The following DYDC2 variants were observed in gnomAD, a reference collection of about 807,000 sequenced individuals.
DYDC2 encodes the protein DPY30 domain containing 2, also known as DPY30 domain-containing protein 2.
A neutral mutation model predicts 18.7 loss-of-function variants in DYDC2; 19 were observed. The observed-to-expected ratio is 1.02, with a 90% CI of 0.71 to 1.49. The LOEUF is 1.49. DYDC2 is among the 40% of genes most tolerant of loss of function. DYDC2 has a pLI of 0.00. For synonymous variants in DYDC2, 63 were observed against 67.6 expected, an observed-to-expected ratio of 0.93 and a Z score of 0.34; for missense variants, 179 against 205.1, an observed-to-expected ratio of 0.87 and a Z score of 0.78.
chr10:80,358,466 A>AT (rs1402319112), intron 2 of DYDC2, among the ~76,000 whole-genome samples: 1 of 152,114 alleles, frequency 6.6e-6, no homozygotes, highest in East Asian at 1.9e-4. Flanking sequence ...TCTTTGTACC[A>AT]TATTTTAGCG....
intron 2 of DYDC2, among the ~76,000 whole-genome samples, chr10:80,358,520 G>A (rs188687206): frequency 1.1e-4 from 17 of 152,272 alleles, no homozygotes; most frequent in African/African-American, 4.1e-4. Flanking sequence ...GTTGAAAATG[G>A]GCAATTTAGA....
In DYDC2 at chr10:80,363,124, C is replaced by CACACA. The variant is rs201475044; in HGVS notation, c.270+51_270+52insACACA. 4.9e-3 allele frequency: 7,756 copies of CACACA among 1,575,958 alleles called. 308 individuals carry two copies. The African/African-American group carries it at 0.088, about 18-fold the overall frequency. On this transcript the variant is annotated intron_variant, in intron 4 of 4. Transcript: ENST00000256039. The stretch of plus-strand genomic sequence containing the variant: ...TTGCCACACACATCCCAGTGATGGA[C>CACACA]TCCAGGAAAGCCACAAGTCAGCCCA...
intron 4 of DYDC2, among the ~76,000 whole-genome samples, chr10:80,365,843 T>A (rs1375844161): frequency 6.6e-6 from 1 of 152,190 alleles, no homozygotes; most frequent in Admixed American, 6.5e-5. Flanking sequence ...TCACTTCAGA[T>A]ATTGTACTTT....
upstream of DYDC2, among the ~76,000 whole-genome samples, chr10:80,352,219 C>T (rs544192316): frequency 6.6e-6 from 1 of 152,100 alleles, no homozygotes; most frequent in African/African-American, 2.4e-5. Context: ...AGTACATAAA[C>T]GTAAATCTAT....
chr10:80,358,356 C>T (rs547890177), intron 2 of DYDC2, among the ~76,000 whole-genome samples: 5 of 152,092 alleles, frequency 3.3e-5, no homozygotes, highest in East Asian at 3.9e-4. Context: ...CCAGCCTGGG[C>T]GACAGACCAA....
intron 2 of DYDC2, among the ~76,000 whole-genome samples, chr10:80,359,229 A>G (rs544373634): frequency 6.6e-6 from 1 of 152,208 alleles, no homozygotes; most frequent in African/African-American, 2.4e-5. Flanking sequence ...GCTAGACACA[A>G]AAGTTCTCCA....
In DYDC2 at chr10:80,367,898, C is replaced by T. The variant is rs1473358444; in HGVS notation, c.*947C>T. On this transcript the variant is annotated 3_prime_UTR_variant, in exon 5 of 5. Transcript: ENST00000256039. ...AAGTAGATTCATATTCTTGTGCAAC[C>T]ATCATCACCATCCGGCTGCAAAACT... The T allele has an allele frequency of 1.3e-5, 2 of 152,056 alleles. No homozygotes were observed. Among genetic ancestry groups the T allele is most frequent in the African/African-American group, 4.8e-5 (2 of 41,352 alleles). 9.4% of individuals were successfully genotyped at this position (152,056 alleles called of 1,614,324 possible). A position where few individuals can be genotyped will look rare whatever the true frequency, so the allele number is the denominator to read the frequency against.
chr10:80,362,164 T>A (rs1404558496), intron 2 of DYDC2, among the ~76,000 whole-genome samples: 3 of 152,228 alleles, frequency 2.0e-5, no homozygotes, highest in Non-Finnish European at 4.4e-5. Context: ...ATCTGAGCTT[T>A]TATTATTTGC....
chr10:80,356,790 T>C lies in DYDC2; in HGVS notation c.-198T>C, dbSNP rs868128325. 7.8e-5 allele frequency: 77 copies of C among 985,268 alleles called. No homozygotes were observed. In the Middle Eastern group the frequency reaches 1.5e-3, roughly 20 times the overall value. The allele number at this position is 985,268 out of a possible 1,614,324, so 61.0% of individuals were successfully genotyped here. On this transcript the variant is annotated 5_prime_UTR_variant, in exon 1 of 5. Transcript: ENST00000256039. ...CGAGAGCTCGCGCCTCAGGAGCCAG[T>C]GTAGGCGCCGCAAAGCGGAAGGGGC...
intron 4 of DYDC2, 25 bp downstream of exon 4, chr10:80,363,098 G>T (rs752817348): frequency 1.2e-6 from 2 of 1,600,560 alleles, no homozygotes; most frequent in Non-Finnish European, 1.7e-6. Flanking sequence ...TCAGCTTTGG[G>T]TTGCCACACA....
chr10:80,360,033 C>T (rs554279130), intron 2 of DYDC2, among the ~76,000 whole-genome samples: 1 of 152,346 alleles, frequency 6.6e-6, no homozygotes, highest in African/African-American at 2.4e-5. Flanking sequence ...CACGCTGTCA[C>T]CTCTCACCCA....
chr10:80,353,140 G>C (rs554408594), upstream of DYDC2, among the ~76,000 whole-genome samples: 52 of 151,338 alleles, frequency 3.4e-4, no homozygotes, highest in African/African-American at 1.3e-3. Flanking sequence ...CATCACAATA[G>C]TCCACCTTTT....
upstream of DYDC2, among the ~76,000 whole-genome samples, chr10:80,354,883 A>G (rs1007468672): frequency 3.9e-5 from 6 of 152,198 alleles, no homozygotes; most frequent in Admixed American, 2.0e-4. Flanking sequence ...CAGTGTTGGT[A>G]ATTTGCTACA....
At chr10:80,356,596 G>A (rs910701586), upstream of DYDC2, 2 of 985,418 alleles carry the variant, frequency 2.0e-6, no homozygotes, top group African/African-American at 3.5e-5. Context: ...CTCCGCCTCA[G>A]GTGAGTCCTG....
At position 80,366,837 on chromosome 10, in the gene DYDC2, G is replaced by A. The variant is rs1265747436; in HGVS notation, c.420G>A (p.Glu140=). 4 of 1,614,176 alleles carry A rather than the reference G, an allele frequency of 2.5e-6. No homozygotes were observed. Among genetic ancestry groups the A allele is most frequent in the Non-Finnish European group, 3.4e-6 (4 of 1,180,038 alleles). ...TGCCTCAACAGGTTCCTCCTTCAGAGTCTGCTGGCCAGATTGACCAGAACT... is the reference window on the plus strand; with the variant it reads ...TGCCTCAACAGGTTCCTCCTTCAGAATCTGCTGGCCAGATTGACCAGAACT... The part of the protein sequence containing the change: ...PGMPQQVPPS[E]SAGQIDQNFK... The change falls in exon 5 of 5, where the codon GAG becomes GAA. Residue 140 remains glutamate (E), a synonymous_variant. Coordinates refer to ENST00000256039, the MANE Select transcript of DYDC2 (RefSeq NM_032372.6).
chr10:80,358,858 T>C lies in DYDC2; in HGVS notation c.-10+813T>C, dbSNP rs1197300011. On this transcript the variant is annotated intron_variant, in intron 2 of 4. Coordinates refer to ENST00000256039, the MANE Select transcript of DYDC2 (RefSeq NM_032372.6). ...TTAAAGGCGGCGTGTCCAGAGTTCG[T>C]TCCTTTTGATGTTCGGATGTGTTCA... 1.3e-5 allele frequency among the ~76,000 whole-genome samples: 2 copies of C among 152,294 alleles called. 1 individual carries two copies. The highest frequency in any genetic ancestry group is 4.1e-4 in the South Asian group (2 of 4,824).
At chr10:80,356,090 T>C (rs542854036), upstream of DYDC2, among the ~76,000 whole-genome samples, 16 of 152,098 alleles carry the variant, frequency 1.1e-4, no homozygotes, top group South Asian at 2.1e-4. Flanking sequence ...AGAAAACTTC[T>C]GGCCTACCAG....
chr10:80,358,199 G>A (rs1340954628), intron 2 of DYDC2, among the ~76,000 whole-genome samples, 154 bp downstream of exon 2: 1 of 152,134 alleles, frequency 6.6e-6, no homozygotes, highest in Admixed American at 6.5e-5. Context: ...CCAACATGGA[G>A]AAACCCCATC....
In DYDC2 at chr10:80,366,102, G is replaced by A. The variant is rs147493873; in HGVS notation, c.271-586G>A. On this transcript the variant is annotated intron_variant, in intron 4 of 4. Transcript: ENST00000256039. ...AGCTGGAGTGCAGTGGCAAGATCTT[G>A]GCTCACTGCAACCTCTGCCTCCCCG... Among the ~76,000 whole-genome samples the A allele has an allele frequency of 9.4e-3, 1,149 of 122,566 alleles. 12 individuals carry two copies. Among genetic ancestry groups the A allele is most frequent in the African/African-American group, 0.034 (1,094 of 32,516 alleles). 80.4% of individuals were successfully genotyped at this position (122,566 alleles called of 152,430 possible).
Sources: allele counts gnomAD v4.1 joint callset (sites outside exome capture counted in the v4.1 genomes callset), GRCh38; gene constraint gnomAD v4.1.1; transcripts MANE v1.5; gene names NCBI Gene and HGNC (gene_info 2026-07-23, HGNC 2026-07-21).